The following PCDH17 variants were observed in gnomAD, a reference collection of about 807,000 sequenced individuals.
The protein encoded by PCDH17 is protocadherin 17.
In PCDH17, 21 loss-of-function variants were observed where a neutral mutation model predicts 67.7. The observed-to-expected ratio is 0.31, with a 90% CI of 0.22 to 0.45. The LOEUF (loss-of-function observed/expected upper bound fraction) is 0.45. Ranked by LOEUF, PCDH17 falls within the 20% of genes least tolerant of loss-of-function variation. The probability of loss-of-function intolerance (pLI) is 1.00; values close to 1 mark genes in which losing one functional copy is unlikely to be tolerated. For synonymous variants in PCDH17, 701 were observed against 656.7 expected (o/e 1.07, Z -1.03); for missense variants, 1,471 against 1,564.8 (o/e 0.94, Z 1.01).
intron 3 of PCDH17, among the ~76,000 whole-genome samples, chr13:57,699,146 T>C (rs1955639088): frequency 6.6e-6 from 1 of 152,056 alleles, no homozygotes; most frequent in South Asian, 2.1e-4. Flanking sequence ...TGTAGTATTT[T>C]AATGTTTATG....
intron 3 of PCDH17, among the ~76,000 whole-genome samples, chr13:57,678,828 T>A (rs1955420420): frequency 6.6e-6 from 1 of 151,636 alleles, no homozygotes; most frequent in African/African-American, 2.4e-5. Flanking sequence ...TTTTCTTTAC[T>A]TTTCCGTCTC....
chr13:57,630,227 C>A (rs1954701016), upstream of PCDH17, among the ~76,000 whole-genome samples: 1 of 152,174 alleles, frequency 6.6e-6, no homozygotes, highest in Admixed American at 6.5e-5. Flanking sequence ...CCTTTCCTTT[C>A]ATCCGCTGCT....
chr13:57,697,635 T>C (rs906215847), intron 3 of PCDH17, among the ~76,000 whole-genome samples: 2 of 151,752 alleles, frequency 1.3e-5, no homozygotes, highest in Admixed American at 1.3e-4. Flanking sequence ...ACTGTCATTA[T>C]ATACGCTTTC....
At chr13:57,715,912 T>A (rs1955812940) in intron 3 of PCDH17, among the ~76,000 whole-genome samples, 1 of 151,974 alleles carries the variant, frequency 6.6e-6, no homozygotes, top group Non-Finnish European at 1.5e-5. Flanking sequence ...AAAAGAAATA[T>A]TTTTCTAATG....
chr13:57,685,639 G>A (rs1033334138), intron 3 of PCDH17, among the ~76,000 whole-genome samples: 5 of 151,930 alleles, frequency 3.3e-5, no homozygotes, highest in Admixed American at 6.6e-5. Flanking sequence ...AAAGTTGGTT[G>A]GAATGAAAAT....
At chr13:57,641,574 AAAAAAAAAAAAAAATAT>A (rs1369608942) in intron 1 of PCDH17, among the ~76,000 whole-genome samples, 81 of 73,086 alleles carry the variant, frequency 1.1e-3, no homozygotes, top group African/African-American at 3.6e-3. Context: ...AAAAAAAAAA[AAAAAAAAAAAAAAATAT>A]ATATATATAT....
chr13:57,707,100 C>A (rs1955728035), intron 3 of PCDH17, among the ~76,000 whole-genome samples: 1 of 152,044 alleles, frequency 6.6e-6, no homozygotes, highest in South Asian at 2.1e-4. Context: ...CCACACCACA[C>A]ACATCACACT....
chr13:57,714,541 A>G (rs1283945052), intron 3 of PCDH17, among the ~76,000 whole-genome samples: 2 of 151,874 alleles, frequency 1.3e-5, no homozygotes, highest in Non-Finnish European at 1.5e-5. Flanking sequence ...CATCCTCTCC[A>G]AAGATGAAGG....
Position 57,632,887 on chromosome 13 carries a change from AG to A in PCDH17, c.342del (p.Ile115SerfsTer3). 1 of 1,614,076 alleles carries A rather than the reference AG, an allele frequency of 6.2e-7. No homozygotes were observed. Among genetic ancestry groups the A allele is most frequent in the Non-Finnish European group, 8.5e-7 (1 of 1,180,018 alleles). On this transcript the variant is annotated frameshift_variant, in exon 1 of 4. Coordinates refer to ENST00000377918, the MANE Select transcript of PCDH17 (RefSeq NM_001040429.3). LOFTEE classifies it high-confidence loss of function. ...CTCGAGGTGTTCGCCAACGACAAGG[AG>A]ATCTGCATGATCAAGGTAGAGATCC... ...LSLEVFANDK[E>X]ICMIKVEIQD...
At chr13:57,651,617 T>C (rs541564451) in intron 1 of PCDH17, among the ~76,000 whole-genome samples, 60 of 152,206 alleles carry the variant, frequency 3.9e-4, no homozygotes, top group African/African-American at 1.3e-3. Context: ...GGATTACAAG[T>C]GTGAACCACA....
At chr13:57,723,718 T>C (rs754208543) in intron 3 of PCDH17, among the ~76,000 whole-genome samples, 3 of 152,126 alleles carry the variant, frequency 2.0e-5, no homozygotes, top group African/African-American at 4.8e-5. Context: ...AATATTGGGG[T>C]CAATGGAAGT....
At chr13:57,650,931 G>T (rs1955029198) in intron 1 of PCDH17, among the ~76,000 whole-genome samples, 1 of 152,070 alleles carries the variant, frequency 6.6e-6, no homozygotes, top group African/African-American at 2.4e-5. Flanking sequence ...TACCTAGTGT[G>T]AATATCAACA....
At chr13:57,644,714 G>C (rs1954944898) in intron 1 of PCDH17, among the ~76,000 whole-genome samples, 1 of 151,498 alleles carries the variant, frequency 6.6e-6, no homozygotes. Context: ...TCTGGTTAAA[G>C]GTTATGTCAG....
chr13:57,686,841 T>G (rs960986529), intron 3 of PCDH17, among the ~76,000 whole-genome samples: 4 of 152,044 alleles, frequency 2.6e-5, no homozygotes, highest in African/African-American at 7.2e-5. Flanking sequence ...ATTAAATAAT[T>G]CGAAAACTTC....
chr13:57,684,775 T>C (rs1955490604), intron 3 of PCDH17, among the ~76,000 whole-genome samples: 2 of 151,990 alleles, frequency 1.3e-5, no homozygotes, highest in Non-Finnish European at 2.9e-5. Flanking sequence ...TTTAGAACTA[T>C]GGTGTTATGA....
chr13:57,642,398 A>G (rs56246819), intron 1 of PCDH17, among the ~76,000 whole-genome samples: 6,676 of 151,714 alleles, frequency 0.044, 227 homozygotes, highest in Middle Eastern at 0.13. Context: ...CATTGGTTAC[A>G]TGTTTGTAAA....
intron 3 of PCDH17, among the ~76,000 whole-genome samples, 199 bp from the exon 4 acceptor site, chr13:57,724,413 G>T (rs982348157): frequency 1.3e-5 from 2 of 152,150 alleles, no homozygotes; most frequent in African/African-American, 4.8e-5. Flanking sequence ...AATCTCTAGA[G>T]AATAGACTTA....
At chr13:57,649,440 C>A (rs1268469226) in intron 1 of PCDH17, among the ~76,000 whole-genome samples, 2 of 152,090 alleles carry the variant, frequency 1.3e-5, no homozygotes, top group African/African-American at 4.8e-5. Context: ...CATGCTACAG[C>A]CATTTTGGTG....
chr13:57,724,849 T>C lies in PCDH17; in HGVS notation c.3035T>C (p.Ile1012Thr), dbSNP rs777986789. Residue 1012 changes from isoleucine to threonine, a missense_variant, in exon 4 of 4, where the codon ATT becomes ACT. Transcript: ENST00000377918. ...GKDKREHTIL[I>T]ANVKPYLKAK... ...GACAAGCGAGAGCACACTATTCTCA[T>C]TGCCAACGTTAAACCTTATTTAAAA... 3 of 1,614,218 alleles carry C rather than the reference T, an allele frequency of 1.9e-6. No individual in the cohort carries two copies. Among genetic ancestry groups the C allele is most frequent in the Non-Finnish European group, 2.5e-6 (3 of 1,180,024 alleles).
Sources: allele counts gnomAD v4.1 joint callset (sites outside exome capture counted in the v4.1 genomes callset), GRCh38; gene constraint gnomAD v4.1.1; transcripts MANE v1.5; gene names NCBI Gene and HGNC (gene_info 2026-07-23, HGNC 2026-07-21).